Variants in GRK3 observed in about 807,000 individuals in gnomAD.
The protein encoded by GRK3 is G protein-coupled receptor kinase 3.
Under a neutral mutation model 95.7 loss-of-function variants are expected in GRK3, and 54 were observed. The ratio of observed to expected loss-of-function variants is 0.56; its 90% CI spans 0.45 to 0.71. GRK3 has a LOEUF of 0.71. GRK3 is among the 30% of genes least tolerant of loss of function. The probability of loss-of-function intolerance (pLI) is 0.00; values close to 1 mark genes in which losing one functional copy is unlikely to be tolerated. For missense variants in GRK3, 649 were observed against 851.2 expected (o/e 0.76, Z 2.96); for synonymous variants, 281 against 290.8 (o/e 0.97, Z 0.34).
intron 11 of GRK3, among the ~76,000 whole-genome samples, chr22:25,688,088 T>C (rs995485571): frequency 5.9e-5 from 9 of 151,936 alleles, no homozygotes; most frequent in Non-Finnish European, 1.0e-4. Context: ...TACAAAAAAT[T>C]AGCCGGGCGT....
intron 20 of GRK3, among the ~76,000 whole-genome samples, chr22:25,721,621 C>G (rs111545769): frequency 5.1e-4 from 78 of 152,276 alleles, no homozygotes; most frequent in Admixed American, 1.0e-3. Flanking sequence ...ATTACTCTAT[C>G]TGGAAAATCT....
chr22:25,573,512 A>G (rs535613528), intron 1 of GRK3, among the ~76,000 whole-genome samples: 65 of 152,346 alleles, frequency 4.3e-4, no homozygotes, highest in African/African-American at 1.4e-3. Context: ...AGTAGGTACT[A>G]GGCACTGTAT....
chr22:25,692,094 G>T, intron 12 of GRK3, among the ~76,000 whole-genome samples: 1 of 152,138 alleles, frequency 6.6e-6, no homozygotes, highest in East Asian at 1.9e-4. Flanking sequence ...TTCCCAGGTA[G>T]CTGGGACCAC....
In GRK3 at chr22:25,687,527, C is replaced by G; in HGVS notation, c.827-10C>G. On this transcript the variant is annotated splice_polypyrimidine_tract_variant and intron_variant, in intron 10 of 20. Transcript: ENST00000324198. ...ACATGCTTTGAATTAAATTCTGAAT[C>G]TGATTCCAGGGGGCGATTTGCACTA... is the stretch of plus-strand genomic sequence containing the variant. 1 of 1,611,512 alleles carries G rather than the reference C, an allele frequency of 6.2e-7. No homozygotes were observed. Among genetic ancestry groups the G allele is most frequent in the Non-Finnish European group, 8.5e-7 (1 of 1,178,604 alleles).
At position 25,703,506 on chromosome 22, in the gene GRK3, A is replaced by G. The variant is rs1341040457; in HGVS notation, c.1161-4A>G. 3 of 1,609,136 alleles carry G rather than the reference A, an allele frequency of 1.9e-6. No individual in the cohort carries two copies. The highest frequency in any genetic ancestry group is 1.3e-5 in the African/African-American group (1 of 74,916). On this transcript the variant is annotated splice_region_variant and splice_polypyrimidine_tract_variant and intron_variant, in intron 13 of 20. Coordinates refer to ENST00000324198, the MANE Select transcript of GRK3 (RefSeq NM_005160.4). Reference sequence around the variant, plus strand: ...TTTGATAGAACAATTCTTTATTTCTACAGTCACAGCCCTTTCAGACAACAT... The same window carrying G: ...TTTGATAGAACAATTCTTTATTTCTGCAGTCACAGCCCTTTCAGACAACAT...
In GRK3 at chr22:25,565,168, G is replaced by T; in HGVS notation, c.113+15G>T. The T allele has an allele frequency of 7.0e-7, 1 of 1,422,840 alleles. No individual in the cohort carries two copies. The highest frequency in any genetic ancestry group is 9.4e-7 in the Non-Finnish European group (1 of 1,062,590). The allele number at this position is 1,422,840 out of a possible 1,614,324, so 88.1% of individuals were successfully genotyped here. A position where few individuals can be genotyped will look rare whatever the true frequency, so the allele number is the denominator to read the frequency against. The stretch of plus-strand genomic sequence containing the variant: ...CCGGAGCCCAGGTACCAGCTGCCCC[G>T]GCCGGCGCCGGCCCCAAGCCGCCGC... On this transcript the variant is annotated intron_variant, in intron 1 of 20. Transcript: ENST00000324198.
intron 1 of GRK3, among the ~76,000 whole-genome samples, chr22:25,571,275 C>A (rs1250016802): frequency 6.6e-6 from 1 of 152,210 alleles, no homozygotes. Flanking sequence ...CATTAAGGAT[C>A]TGATTCCACT....
intron 3 of GRK3, among the ~76,000 whole-genome samples, chr22:25,661,257 C>G (rs529072879): frequency 6.6e-6 from 1 of 152,252 alleles, no homozygotes; most frequent in South Asian, 2.1e-4. Flanking sequence ...GGAGAATTGG[C>G]AAGGATGCAT....
chr22:25,721,383 G>A lies in GRK3; in HGVS notation c.1891G>A (p.Val631Ile). 1 of 1,573,186 alleles carries A rather than the reference G, an allele frequency of 6.4e-7. No individual in the cohort carries two copies. Among genetic ancestry groups the A allele is most frequent in the Non-Finnish European group, 8.7e-7 (1 of 1,151,572 alleles). The change falls in exon 20 of 21, where the codon GTC (valine) becomes ATC (isoleucine). Residue 631 changes from valine to isoleucine, a missense_variant. Physicochemically the swap from Val to Ile is conservative, Grantham distance 29. This residue lies in a region of GRK3 where 382 missense variants were observed against 493.8 expected (regional missense o/e 0.77). Coordinates refer to ENST00000324198, the MANE Select transcript of GRK3 (RefSeq NM_005160.4). Reference protein sequence around the residue: ...LFRIKGGKQFVLQCESDPEFV... With the variant: ...LFRIKGGKQFILQCESDPEFV... ...CAGAATAAAAGGAGGGAAACAATTT[G>A]TCTTGCAATGTGAGGTGAGTTTTTA...
chr22:25,717,098 CTATT>C (rs931235259), intron 18 of GRK3, among the ~76,000 whole-genome samples: 3 of 152,174 alleles, frequency 2.0e-5, no homozygotes, highest in African/African-American at 7.2e-5. Context: ...AGTGTAACAA[CTATT>C]TATGTAGCAT....
chr22:25,653,234 C>A (rs2084847002), intron 3 of GRK3, among the ~76,000 whole-genome samples: 1 of 152,162 alleles, frequency 6.6e-6, no homozygotes, highest in Non-Finnish European at 1.5e-5. Context: ...GGATTAAATA[C>A]TCCAAGTAAA....
intron 2 of GRK3, among the ~76,000 whole-genome samples, chr22:25,612,459 A>G (rs1039132557): frequency 7.2e-5 from 11 of 152,204 alleles, no homozygotes; most frequent in Admixed American, 1.3e-4. Flanking sequence ...TCTTGTATCC[A>G]GTGATCTTCC....
intron 2 of GRK3, among the ~76,000 whole-genome samples, chr22:25,637,742 A>G (rs79865521): frequency 0.075 from 11,422 of 152,276 alleles, 448 homozygotes; most frequent in Middle Eastern, 0.15. Flanking sequence ...GTAATAGGAT[A>G]TGTGTATATA....
intron 3 of GRK3, among the ~76,000 whole-genome samples, chr22:25,644,941 A>C (rs1383807179): frequency 1.3e-5 from 2 of 152,202 alleles, no homozygotes; most frequent in Non-Finnish European, 2.9e-5. Flanking sequence ...CCAGAGCTGC[A>C]CCAAGGAGGA....
At chr22:25,598,767 C>T (rs1450737696) in intron 1 of GRK3, among the ~76,000 whole-genome samples, 2 of 151,718 alleles carry the variant, frequency 1.3e-5, no homozygotes, top group Non-Finnish European at 2.9e-5. Context: ...ATAGGCAACA[C>T]AATTTTGAAA....
intron 9 of GRK3, among the ~76,000 whole-genome samples, chr22:25,682,357 G>A (rs2085081591): frequency 6.6e-6 from 1 of 152,118 alleles, no homozygotes; most frequent in South Asian, 2.1e-4. Context: ...ACTTATCCAA[G>A]TTAGACTCCT....
At chr22:25,698,915 GT>G (rs549964399) in intron 13 of GRK3, among the ~76,000 whole-genome samples, 184 of 152,156 alleles carry the variant, frequency 1.2e-3, no homozygotes, top group African/African-American at 4.3e-3. Flanking sequence ...TTTTGTTTTT[GT>G]TTTTTTATAG....
At chr22:25,598,720 A>G (rs2084388880) in intron 1 of GRK3, among the ~76,000 whole-genome samples, 1 of 151,816 alleles carries the variant, frequency 6.6e-6, no homozygotes, top group Non-Finnish European at 1.5e-5. Flanking sequence ...ATATTGATCT[A>G]TAGATTTACT....
chr22:25,694,632 G>C (rs1490980890), intron 12 of GRK3, among the ~76,000 whole-genome samples: 1 of 152,132 alleles, frequency 6.6e-6, no homozygotes, highest in African/African-American at 2.4e-5. Flanking sequence ...TGACCAAGCC[G>C]ATGCCCCTGT....
Sources: gnomAD v4.1 joint callset for allele counts (sites outside exome capture counted in the v4.1 genomes callset) on GRCh38, gnomAD v4.1.1 for gene constraint, gnomAD v4.1.1 regional missense constraint, MANE v1.5 for transcripts, NCBI Gene and HGNC (gene_info 2026-07-23, HGNC 2026-07-21) for gene names.